Variants in TFDP2 observed in about 807,000 individuals in gnomAD.
TFDP2 encodes the protein transcription factor Dp-2, also known as transcription factor Dp-2 (E2F dimerization partner 2).
A neutral mutation model predicts 59.3 loss-of-function variants in TFDP2; 17 were observed. The observed-to-expected ratio is 0.29, with a 90% CI of 0.20 to 0.43. The LOEUF (loss-of-function observed/expected upper bound fraction) is 0.43, where lower values mean the gene tolerates loss of function less well. Ranked by LOEUF, TFDP2 falls within the 20% of genes least tolerant of loss-of-function variation. The probability of loss-of-function intolerance (pLI) is 1.00; values close to 1 mark genes in which losing one functional copy is unlikely to be tolerated. For synonymous variants in TFDP2, 180 were observed against 194.7 expected, an observed-to-expected ratio of 0.92 and a Z score of 0.63; for missense variants, 391 against 528.8, an observed-to-expected ratio of 0.74 and a Z score of 2.56.
intron 1 of TFDP2, among the ~76,000 whole-genome samples, chr3:142,125,507 C>G (rs994412991): frequency 6.6e-6 from 1 of 152,116 alleles, no homozygotes; most frequent in Non-Finnish European, 1.5e-5. Context: ...CACACGCACA[C>G]ACACACATAT....
chr3:142,125,434 T>C (rs1030528464), intron 1 of TFDP2, among the ~76,000 whole-genome samples: 2 of 152,092 alleles, frequency 1.3e-5, no homozygotes, highest in African/African-American at 2.4e-5. Flanking sequence ...CCAACACAAA[T>C]AGAAATTTAT....
chr3:141,998,283 G>A (rs577990344), intron 4 of TFDP2, among the ~76,000 whole-genome samples: 12 of 152,206 alleles, frequency 7.9e-5, no homozygotes, highest in African/African-American at 2.4e-4. Flanking sequence ...GTGATGAGCC[G>A]GTCATGCTTT....
chr3:142,149,396 A>C lies in TFDP2; in HGVS notation c.-306T>G. On this transcript the variant is annotated 5_prime_UTR_variant, in exon 1 of 13. Transcript: ENST00000489671. ...GTGCGCGCGCCCTCGAGCCTGCCCAAAGATGAAGGGTCAGGGCGCGCCCCG... is the reference window on the plus strand; with the variant it reads ...GTGCGCGCGCCCTCGAGCCTGCCCACAGATGAAGGGTCAGGGCGCGCCCCG... The C allele has an allele frequency of 2.6e-6, 1 of 382,636 alleles. No homozygotes were observed. 23.7% of individuals were successfully genotyped at this position (382,636 alleles called of 1,614,324 possible).
intron 1 of TFDP2, among the ~76,000 whole-genome samples, chr3:142,109,634 A>G (rs2061587251): frequency 6.6e-6 from 1 of 151,860 alleles, no homozygotes; most frequent in Non-Finnish European, 1.5e-5. Context: ...GGCCAGCTAC[A>G]TAGTGTTTTG....
At chr3:142,120,091 G>A (rs1261586936) in intron 1 of TFDP2, among the ~76,000 whole-genome samples, 1 of 149,810 alleles carries the variant, frequency 6.7e-6, no homozygotes, top group South Asian at 2.1e-4. Flanking sequence ...GGCTGGGCGT[G>A]GTGGCTCATG....
At chr3:141,973,095 A>ATATG (rs1329232287) in intron 8 of TFDP2, among the ~76,000 whole-genome samples, 1 of 60,268 alleles carries the variant, frequency 1.7e-5, no homozygotes, top group East Asian at 3.0e-4. Flanking sequence ...AGCTATGTGT[A>ATATG]TATATATATA....
chr3:142,024,175 G>C (rs1945884862), intron 3 of TFDP2, among the ~76,000 whole-genome samples: 1 of 152,164 alleles, frequency 6.6e-6, no homozygotes, highest in African/African-American at 2.4e-5. Flanking sequence ...TTAGTGGTCT[G>C]TTCATTTTTC....
chr3:142,127,303 CTTT>C (rs769181436), intron 1 of TFDP2, among the ~76,000 whole-genome samples: 1 of 108,324 alleles, frequency 9.2e-6, no homozygotes. Flanking sequence ...CTACACTCCG[CTTT>C]TTTTTTTTTT....
rs191386034 is a variant in TFDP2 at position 141,950,663 on chromosome 3, G to A, written c.*1850C>T. ...CTCCAGGTCCCTGCTGGGTCCCAGA[G>A]ATGAGAAAGGGTGGAGTTAGTAAAA... On this transcript the variant is annotated 3_prime_UTR_variant, in exon 13 of 13. Transcript: ENST00000489671. The A allele has an allele frequency of 1.3e-5, 2 of 152,754 alleles. No individual in the cohort carries two copies. The highest frequency in any genetic ancestry group is 6.5e-5 in the Admixed American group (1 of 15,298). The allele number at this position is 152,754 out of a possible 1,614,324, so 9.5% of individuals were successfully genotyped here. A position where few individuals can be genotyped will look rare whatever the true frequency, so the allele number is the denominator to read the frequency against.
At chr3:141,977,132 C>CTTTTTTTT (rs1940807089) in intron 7 of TFDP2, among the ~76,000 whole-genome samples, 1 of 116,234 alleles carries the variant, frequency 8.6e-6, no homozygotes, top group Non-Finnish European at 1.8e-5. Flanking sequence ...TTTTTTTCCC[C>CTTTTTTTT]CCAAAGAGAC....
intron 9 of TFDP2, among the ~76,000 whole-genome samples, chr3:141,965,423 G>T (rs78674047): frequency 1.3e-5 from 2 of 151,398 alleles, no homozygotes; most frequent in Non-Finnish European, 2.9e-5. Context: ...CTTGAGCCTA[G>T]GAGTTGGAGG....
At chr3:142,145,248 C>T (rs1349576726) in intron 1 of TFDP2, among the ~76,000 whole-genome samples, 4 of 152,110 alleles carry the variant, frequency 2.6e-5, no homozygotes, top group Non-Finnish European at 5.9e-5. Context: ...TAAAATTCCA[C>T]ACAGCTGTTG....
chr3:142,024,038 G>A (rs1327086258), intron 3 of TFDP2, among the ~76,000 whole-genome samples: 2 of 152,038 alleles, frequency 1.3e-5, no homozygotes, highest in African/African-American at 4.8e-5. Flanking sequence ...GAGTTAAAGT[G>A]ATCTGCCTAC....
chr3:142,000,683 C>G (rs1189039794), intron 4 of TFDP2, among the ~76,000 whole-genome samples: 4 of 152,156 alleles, frequency 2.6e-5, no homozygotes, highest in Non-Finnish European at 4.4e-5. Flanking sequence ...GCAAATTCCC[C>G]TCCAGCTGTG....
chr3:142,087,632 C>T (rs2108601966), intron 3 of TFDP2, among the ~76,000 whole-genome samples: 1 of 151,904 alleles, frequency 6.6e-6, no homozygotes, highest in South Asian at 2.1e-4. Context: ...TCCAGAGAAG[C>T]TGGGACTACA....
intron 3 of TFDP2, among the ~76,000 whole-genome samples, chr3:142,075,770 G>A (rs1396089914): frequency 6.6e-6 from 1 of 150,630 alleles, no homozygotes; most frequent in African/African-American, 2.4e-5. Flanking sequence ...TAGCCAGTGT[G>A]GTGGTGCATA....
intron 3 of TFDP2, among the ~76,000 whole-genome samples, chr3:142,052,761 G>A (rs1947701848): frequency 2.0e-5 from 3 of 152,022 alleles, no homozygotes; most frequent in African/African-American, 4.8e-5. Context: ...GGGTAGTTCC[G>A]CCTCCCAAGT....
At chr3:142,026,310 T>TCAAAAAAA (rs1218763268) in intron 3 of TFDP2, among the ~76,000 whole-genome samples, 1 of 150,444 alleles carries the variant, frequency 6.6e-6, no homozygotes, top group Non-Finnish European at 1.5e-5. Flanking sequence ...AGATTCCGTC[T>TCAAAAAAA]CAAAAAAACA....
chr3:142,109,839 T>C (rs1278431581), intron 1 of TFDP2, among the ~76,000 whole-genome samples: 1 of 152,164 alleles, frequency 6.6e-6, no homozygotes, highest in Non-Finnish European at 1.5e-5. Flanking sequence ...CATTGGCATT[T>C]TACACGTTAA....
Sources: gnomAD v4.1 joint callset for allele counts (sites outside exome capture counted in the v4.1 genomes callset) on GRCh38, gnomAD v4.1.1 for gene constraint, MANE v1.5 for transcripts, NCBI Gene and HGNC (gene_info 2026-07-23, HGNC 2026-07-21) for gene names.